GRIN2A: variants seen among roughly 807,000 people sequenced by gnomAD.
GRIN2A encodes the protein glutamate ionotropic receptor NMDA type subunit 2A, also known as glutamate receptor ionotropic, NMDA 2A.
Under a neutral mutation model 113.4 loss-of-function variants are expected in GRIN2A, and 22 were observed. That is an observed-to-expected ratio of 0.19 (90% CI 0.14 to 0.28). The LOEUF is 0.28. Among genes scored for constraint, GRIN2A ranks in the 10% least tolerant of loss-of-function variants. The pLI is 1.00. For synonymous variants in GRIN2A, 827 were observed against 738.4 expected (o/e 1.12, Z -1.94); for missense variants, 1,502 against 1,887.0 (o/e 0.80, Z 3.78).
At chr16:9,948,542 G>A (rs1177376245) in intron 2 of GRIN2A, among the ~76,000 whole-genome samples, 1 of 152,208 alleles carries the variant, frequency 6.6e-6, no homozygotes, top group Non-Finnish European at 1.5e-5. Context: ...CCATCCCAGG[G>A]AGGACTAGGC....
At chr16:10,055,464 A>C (rs1210270083) in intron 2 of GRIN2A, among the ~76,000 whole-genome samples, 1 of 152,242 alleles carries the variant, frequency 6.6e-6, no homozygotes, top group Non-Finnish European at 1.5e-5. Context: ...GAAAAGATTT[A>C]AACACAATAA....
Position 9,964,552 on chromosome 16 carries a change from A to C in GRIN2A, c.415-26001T>G, listed in dbSNP as rs568247273. Among the ~76,000 whole-genome samples, 114 of 152,326 alleles carry C rather than the reference A, an allele frequency of 7.5e-4. 1 individual carries two copies. The highest frequency in any genetic ancestry group is 2.5e-3 in the African/African-American group (105 of 41,582). ...GCTGGACTAAAATCAAGGTGTCAGC[A>C]GGATTGCTTTCCTTTCCGGAGGCCG... On this transcript the variant is annotated intron_variant, in intron 2 of 12. Coordinates refer to ENST00000330684, the MANE Select transcript of GRIN2A (RefSeq NM_001134407.3).
chr16:9,763,532 C>T lies in GRIN2A; in HGVS notation c.4012G>A (p.Gly1338Arg), dbSNP rs781677674. The change falls in exon 13 of 13, where the codon GGG (glycine) becomes AGG (arginine). Residue 1338 changes from glycine (G) to arginine (R), a missense_variant. Physicochemically the swap from Gly to Arg is moderately radical, Grantham distance 125. This residue lies in a region of GRIN2A where 832 missense variants were observed against 789.7 expected (regional missense o/e 1.05). Transcript: ENST00000330684. ...LFSVPSSKLS[G>R]KKSSLFPQGL... Reference sequence around the variant, plus strand: ...TGGGGGAAAAGGGAGCTTTTTTTCCCCGAGAGTTTGCTTGAGGGGACACTA... The same window carrying T: ...TGGGGGAAAAGGGAGCTTTTTTTCCTCGAGAGTTTGCTTGAGGGGACACTA... The T allele has an allele frequency of 6.2e-7, 1 of 1,613,932 alleles. No individual in the cohort carries two copies.
intron 2 of GRIN2A, among the ~76,000 whole-genome samples, chr16:10,032,354 AT>A (rs1332749725): frequency 1.3e-5 from 2 of 152,122 alleles, no homozygotes; most frequent in African/African-American, 2.4e-5. Flanking sequence ...AAATTAAGTG[AT>A]TTTTTTTAAA....
intron 2 of GRIN2A, among the ~76,000 whole-genome samples, chr16:10,041,508 A>G (rs1446880898): frequency 2.0e-5 from 3 of 152,192 alleles, no homozygotes; most frequent in Non-Finnish European, 4.4e-5. Context: ...GTGTCCCCTC[A>G]GTTCTTTAAA....
chr16:9,822,115 A>G (rs2042296285), intron 10 of GRIN2A, 149 bp downstream of exon 10: 1 of 834,860 alleles, frequency 1.2e-6, no homozygotes, highest in Non-Finnish European at 2.0e-6. Flanking sequence ...TAGATTAACA[A>G]AAACTGCCCT....
intron 2 of GRIN2A, among the ~76,000 whole-genome samples, chr16:10,166,304 C>T (rs2049922119): frequency 1.3e-5 from 2 of 152,130 alleles, no homozygotes; most frequent in African/African-American, 2.4e-5. Context: ...GTAAGAAATG[C>T]CATCCAGAGG....
At chr16:9,783,626 C>T (rs1317750937) in intron 11 of GRIN2A, among the ~76,000 whole-genome samples, 2 of 152,138 alleles carry the variant, frequency 1.3e-5, no homozygotes, top group Non-Finnish European at 2.9e-5. Context: ...TTCACAATCA[C>T]CAAGGGCTCT....
At chr16:10,069,052 C>T (rs1025823950) in intron 2 of GRIN2A, among the ~76,000 whole-genome samples, 1 of 151,978 alleles carries the variant, frequency 6.6e-6, no homozygotes, top group Admixed American at 6.6e-5. Context: ...TGAGAAGGCA[C>T]CTAGGTTCTA....
intron 2 of GRIN2A, among the ~76,000 whole-genome samples, chr16:10,072,966 T>C (rs11649690): frequency 1.8e-3 from 256 of 142,192 alleles, no homozygotes; most frequent in South Asian, 0.011. Context: ...TTTTTTTTTT[T>C]TGAGACAGAG....
At chr16:9,974,410 C>G (rs932413358) in intron 2 of GRIN2A, among the ~76,000 whole-genome samples, 1 of 152,194 alleles carries the variant, frequency 6.6e-6, no homozygotes, top group Non-Finnish European at 1.5e-5. Flanking sequence ...CTGTCCTGTT[C>G]TGTTTCGTTC....
chr16:10,053,097 C>A (rs1288423761), intron 2 of GRIN2A, among the ~76,000 whole-genome samples: 1 of 151,446 alleles, frequency 6.6e-6, no homozygotes, highest in African/African-American at 2.4e-5. Flanking sequence ...ACTTGGGAAT[C>A]TGAACTTTGA....
intron 2 of GRIN2A, among the ~76,000 whole-genome samples, chr16:10,143,395 T>C (rs1270538568): frequency 6.6e-6 from 1 of 152,140 alleles, no homozygotes; most frequent in East Asian, 1.9e-4. Flanking sequence ...TATTAAAAAA[T>C]ATAAATAGCA....
chr16:9,812,178 G>T (rs976230684), intron 10 of GRIN2A, among the ~76,000 whole-genome samples: 1 of 152,100 alleles, frequency 6.6e-6, no homozygotes, highest in Non-Finnish European at 1.5e-5. Flanking sequence ...TCCCAGACAC[G>T]CTGCTTAATC....
intron 3 of GRIN2A, among the ~76,000 whole-genome samples, chr16:9,892,146 G>A (rs2043706849): frequency 1.3e-5 from 2 of 152,124 alleles, no homozygotes; most frequent in Non-Finnish European, 2.9e-5. Flanking sequence ...CAGGAGAATT[G>A]CTTGAACCCG....
At chr16:9,862,707 A>C (rs568245779) in intron 4 of GRIN2A, among the ~76,000 whole-genome samples, 16 of 152,154 alleles carry the variant, frequency 1.1e-4, no homozygotes, top group Non-Finnish European at 2.2e-4. Flanking sequence ...GGTTCTTGTA[A>C]TTAGCTAAAA....
chr16:10,133,692 C>A, intron 2 of GRIN2A, among the ~76,000 whole-genome samples: 1 of 152,130 alleles, frequency 6.6e-6, no homozygotes, highest in African/African-American at 2.4e-5. Context: ...AAGTCAAGTA[C>A]TTATAAGAAT....
At chr16:10,175,913 G>C (rs929154899) in intron 2 of GRIN2A, among the ~76,000 whole-genome samples, 2 of 152,102 alleles carry the variant, frequency 1.3e-5, no homozygotes, top group African/African-American at 4.8e-5. Flanking sequence ...CACTTAGACA[G>C]GGTCAAAATG....
At chr16:9,897,149 G>A (rs1048546348) in intron 3 of GRIN2A, among the ~76,000 whole-genome samples, 10 of 151,064 alleles carry the variant, frequency 6.6e-5, no homozygotes, top group African/African-American at 2.4e-4. Context: ...GTGGTAAAGT[G>A]CTAAGTTGTT....
Sources: gnomAD v4.1 joint callset for allele counts (sites outside exome capture counted in the v4.1 genomes callset) on GRCh38, gnomAD v4.1.1 for gene constraint, gnomAD v4.1.1 regional missense constraint, MANE v1.5 for transcripts, NCBI Gene and HGNC (gene_info 2026-07-23, HGNC 2026-07-21) for gene names.